The following FRK variants were observed in gnomAD, a reference collection of about 807,000 sequenced individuals.
FRK encodes tyrosine-protein kinase FRK.
FRK carries 51 observed loss-of-function variants against 56.4 expected under a neutral mutation model. The ratio of observed to expected loss-of-function variants is 0.90; its 90% CI spans 0.72 to 1.14. FRK has a LOEUF of 1.14. FRK is among the 50% of genes most tolerant of loss of function. FRK has a pLI of 0.00. For synonymous variants in FRK, 245 were observed against 217.9 expected (o/e 1.12, Z -1.10); for missense variants, 570 against 601.4 (o/e 0.95, Z 0.55).
chr6:116,047,907 A>C (rs1777039422), intron 1 of FRK, among the ~76,000 whole-genome samples: 1 of 152,254 alleles, frequency 6.6e-6, no homozygotes, highest in Admixed American at 6.5e-5. Flanking sequence ...TGGCAAAGCC[A>C]AGAATGAGTG....
At chr6:116,056,366 T>C (rs577519038) in intron 1 of FRK, among the ~76,000 whole-genome samples, 1 of 152,102 alleles carries the variant, frequency 6.6e-6, no homozygotes, top group Non-Finnish European at 1.5e-5. Flanking sequence ...GACTACAGGT[T>C]TGTGCCACCA....
rs3049930 is a variant in FRK at position 116,058,910 on chromosome 6, CA to C, written c.344+1057del. Among the ~76,000 whole-genome samples, 719 of 78,390 alleles carry C rather than the reference CA, an allele frequency of 9.2e-3. 2 individuals are homozygous for C. The highest frequency in any genetic ancestry group is 0.014 in the African/African-American group (269 of 19,486). 51.4% of individuals were successfully genotyped at this position (78,390 alleles called of 152,430 possible). On this transcript the variant is annotated intron_variant, in intron 1 of 7. Transcript: ENST00000606080. ...TGGGGGACAGAGCGAGACTCCGTCT[CA>C]AAAAAAAAAAAAAAAAAAAATGAGT...
chr6:115,968,777 C>T, intron 2 of FRK, 38 bp from the exon 3 acceptor site: 2 of 1,577,936 alleles, frequency 1.3e-6, no homozygotes, highest in South Asian at 1.1e-5. Context: ...AAACTTCTTG[C>T]TAAAACCAAG....
chr6:116,030,629 G>A (rs1776273725), intron 1 of FRK, among the ~76,000 whole-genome samples: 2 of 152,254 alleles, frequency 1.3e-5, no homozygotes, highest in South Asian at 4.1e-4. Context: ...ATGTGGATGT[G>A]TCTGGAGGGT....
intron 2 of FRK, among the ~76,000 whole-genome samples, chr6:115,969,717 T>G (rs1773729309): frequency 6.6e-6 from 1 of 152,136 alleles, no homozygotes. Context: ...TTTGGAGCTA[T>G]TGACAGAATC....
chr6:116,058,791 G>C (rs976781324), intron 1 of FRK, among the ~76,000 whole-genome samples: 14 of 151,722 alleles, frequency 9.2e-5, no homozygotes, highest in African/African-American at 3.4e-4. Context: ...GGCGCCTGTA[G>C]TCCCAGCTAC....
chr6:116,046,149 G>A (rs951174835), intron 1 of FRK, among the ~76,000 whole-genome samples: 1 of 151,586 alleles, frequency 6.6e-6, no homozygotes, highest in Non-Finnish European at 1.5e-5. Flanking sequence ...AACAATAGAT[G>A]CTGGAGAAAT....
chr6:115,940,341 A>T lies in FRK; in HGVS notation c.*2073T>A, dbSNP rs1166817854. ...ACAAAAATTAACTCAAGATGGATTA[A>T]AGACTTAAATGTAAGACCTAAAACC... On this transcript the variant is annotated 3_prime_UTR_variant, in exon 8 of 8. Transcript: ENST00000606080. 2 of 152,252 alleles carry T rather than the reference A, an allele frequency of 1.3e-5. No homozygotes were observed. Among genetic ancestry groups the T allele is most frequent in the Non-Finnish European group, 2.9e-5 (2 of 68,056 alleles). The allele number at this position is 152,252 out of a possible 1,614,324, so 9.4% of individuals were successfully genotyped here. A position where few individuals can be genotyped will look rare whatever the true frequency, so the allele number is the denominator to read the frequency against.
At chr6:116,036,942 T>C (rs1776507209) in intron 1 of FRK, among the ~76,000 whole-genome samples, 1 of 152,170 alleles carries the variant, frequency 6.6e-6, no homozygotes, top group Admixed American at 6.5e-5. Context: ...CATGTGAGCA[T>C]GCCAAGAGAA....
intron 1 of FRK, among the ~76,000 whole-genome samples, chr6:116,046,596 A>T (rs1181438252): frequency 6.6e-6 from 1 of 152,158 alleles, no homozygotes; most frequent in Non-Finnish European, 1.5e-5. Context: ...ACATGTGGAC[A>T]CAGTGAGGGG....
At chr6:115,952,622 T>C (rs200582929) in intron 5 of FRK, among the ~76,000 whole-genome samples, 5,726 of 150,844 alleles carry the variant, frequency 0.038, 258 homozygotes, top group Admixed American at 0.14. Context: ...CACATGCACA[T>C]GTATGTTTAT....
chr6:115,968,719 T>A lies in FRK; in HGVS notation c.487A>T (p.Lys163Ter). ...TCCAGTCTTTTAATTCTGTAGTGTTTTACAACTGCTCCATCTAAAACTGGA... is the reference window on the plus strand; with the variant it reads ...TCCAGTCTTTTAATTCTGTAGTGTTATACAACTGCTCCATCTAAAACTGGA... ...SLSVLDGAVV[K>*]HYRIKRLDEG... Residue 163 changes from lysine to a stop codon, truncating the protein, a stop_gained, in exon 3 of 8, where the codon AAA becomes TAA. Coordinates refer to ENST00000606080, the MANE Select transcript of FRK (RefSeq NM_002031.3). LOFTEE classifies it high-confidence loss of function. 6.2e-7 allele frequency: 1 copy of A among 1,613,440 alleles called. No individual in the cohort carries two copies. The highest frequency in any genetic ancestry group is 1.1e-5 in the South Asian group (1 of 90,888).
rs34026302 is a variant in FRK, at chr6:115,953,180, A to ACTTTTTTTT, written c.958+3271_958+3272insAAAAAAAAG. Among the ~76,000 whole-genome samples, 17 of 104,060 alleles carry ACTTTTTTTT rather than the reference A, an allele frequency of 1.6e-4. 7 individuals carry two copies. Among genetic ancestry groups the ACTTTTTTTT allele is most frequent in the African/African-American group, 2.2e-4 (6 of 27,250 alleles). 68.3% of individuals were successfully genotyped at this position (104,060 alleles called of 152,430 possible). A position where few individuals can be genotyped will look rare whatever the true frequency, so the allele number is the denominator to read the frequency against. Reference sequence around the variant, plus strand: ...AGAGTGGTACATCCATTTTAAGGCCATTTTTTTTTTTTTTTTTTTTTTTTT... The same window carrying ACTTTTTTTT: ...AGAGTGGTACATCCATTTTAAGGCCACTTTTTTTTTTTTTTTTTTTTTTTTTTTTTTTTT... On this transcript the variant is annotated intron_variant, in intron 5 of 7. Transcript: ENST00000606080.
Position 116,031,106 on chromosome 6 carries a change from T to C in FRK, c.345-27108A>G, listed in dbSNP as rs191141162. Among the ~76,000 whole-genome samples the C allele has an allele frequency of 2.6e-3, 392 of 152,198 alleles. 12 individuals carry two copies. The South Asian group carries it at 0.044, about 17-fold the overall frequency. On this transcript the variant is annotated intron_variant, in intron 1 of 7. Coordinates refer to ENST00000606080, the MANE Select transcript of FRK (RefSeq NM_002031.3). ...ATTTGTTGCTATGCTATTCAAACAT[T>C]AGAAAAATAAAAAGTGTAAGAAAGT... is the stretch of plus-strand genomic sequence containing the variant.
At chr6:115,978,034 A>G (rs1774050394) in intron 2 of FRK, among the ~76,000 whole-genome samples, 1 of 152,184 alleles carries the variant, frequency 6.6e-6, no homozygotes, top group Non-Finnish European at 1.5e-5. Context: ...CATTTACAGC[A>G]TCTCATATTG....
chr6:115,984,303 A>G (rs1437979103), intron 2 of FRK, among the ~76,000 whole-genome samples: 1 of 152,086 alleles, frequency 6.6e-6, no homozygotes, highest in African/African-American at 2.4e-5. Context: ...CAGCATTATC[A>G]TTATCATCAT....
chr6:116,042,151 G>A (rs1776745209), intron 1 of FRK, among the ~76,000 whole-genome samples: 1 of 152,142 alleles, frequency 6.6e-6, no homozygotes, highest in African/African-American at 2.4e-5. Flanking sequence ...ACTAGGCAGA[G>A]CCCACCACAG....
intron 1 of FRK, among the ~76,000 whole-genome samples, chr6:116,047,727 T>C (rs1482321880): frequency 6.6e-6 from 1 of 152,228 alleles, no homozygotes; most frequent in Non-Finnish European, 1.5e-5. Flanking sequence ...GCTGGGCCAG[T>C]AGGACATCTC....
At position 115,932,835 on chromosome 6, in the gene FRK, G is replaced by T. The variant is rs1771980226; in HGVS notation, c.*9579C>A. ...GGCCTCCACAGAGTCGGAAGAGTTTGGGCCCCTCCTGGTTCATTAGATCCA... is the reference window on the plus strand; with the variant it reads ...GGCCTCCACAGAGTCGGAAGAGTTTTGGCCCCTCCTGGTTCATTAGATCCA... On this transcript the variant is annotated 3_prime_UTR_variant, in exon 8 of 8. Coordinates refer to ENST00000606080, the MANE Select transcript of FRK (RefSeq NM_002031.3). 1 of 152,180 alleles carries T rather than the reference G, an allele frequency of 6.6e-6. No individual in the cohort carries two copies. The highest frequency in any genetic ancestry group is 1.5e-5 in the Non-Finnish European group (1 of 68,058). 9.4% of individuals were successfully genotyped at this position (152,180 alleles called of 1,614,324 possible).
Sources: gnomAD v4.1 joint callset for allele counts (sites outside exome capture counted in the v4.1 genomes callset) on GRCh38, gnomAD v4.1.1 for gene constraint, MANE v1.5 for transcripts, NCBI Gene and HGNC (gene_info 2026-07-23, HGNC 2026-07-21) for gene names.